IMMP2L: variants seen among roughly 807,000 people sequenced by gnomAD.
IMMP2L encodes the protein inner mitochondrial membrane peptidase subunit 2, also known as mitochondrial inner membrane protease subunit 2.
In IMMP2L, 18 loss-of-function variants were observed where a neutral mutation model predicts 19.3. The observed-to-expected ratio is 0.93, with a 90% CI of 0.64 to 1.38. The LOEUF is 1.38. Among genes scored for constraint, IMMP2L ranks in the 40% most tolerant of loss-of-function variants. The probability of loss-of-function intolerance (pLI) is 0.00; values close to 1 mark genes in which losing one functional copy is unlikely to be tolerated. For synonymous variants in IMMP2L, 76 were observed against 73.0 expected, an observed-to-expected ratio of 1.04 and a Z score of -0.21; for missense variants, 233 against 218.2, an observed-to-expected ratio of 1.07 and a Z score of -0.43.
intron 3 of IMMP2L, among the ~76,000 whole-genome samples, chr7:111,438,923 T>C (rs965866869): frequency 3.3e-5 from 5 of 151,912 alleles, no homozygotes; most frequent in African/African-American, 1.2e-4. Context: ...TTGTCTACTA[T>C]GTGCTGGACA....
chr7:110,970,724 T>C (rs1462914846), intron 3 of IMMP2L, among the ~76,000 whole-genome samples: 3 of 152,120 alleles, frequency 2.0e-5, no homozygotes, highest in Non-Finnish European at 4.4e-5. Flanking sequence ...CTCGGAAGCA[T>C]TCTTTCCCCT....
intron 5 of IMMP2L, among the ~76,000 whole-genome samples, chr7:110,871,896 T>C (rs1233384243): frequency 6.6e-6 from 1 of 152,150 alleles, no homozygotes; most frequent in African/African-American, 2.4e-5. Context: ...TTATTGCTCC[T>C]GATTGAGGAG....
chr7:110,720,751 C>T (rs998607311), intron 5 of IMMP2L, among the ~76,000 whole-genome samples: 2 of 152,058 alleles, frequency 1.3e-5, no homozygotes, highest in Non-Finnish European at 2.9e-5. Flanking sequence ...TTTCTGAAAT[C>T]GTTTAAGTGC....
intron 3 of IMMP2L, among the ~76,000 whole-genome samples, chr7:111,316,394 T>C (rs549520647): frequency 6.6e-6 from 1 of 152,264 alleles, no homozygotes; most frequent in African/African-American, 2.4e-5. Context: ...ATATATTTCA[T>C]TATGTTAAGA....
intron 3 of IMMP2L, among the ~76,000 whole-genome samples, chr7:111,234,856 C>T (rs1350131233): frequency 6.6e-6 from 1 of 152,052 alleles, no homozygotes; most frequent in Non-Finnish European, 1.5e-5. Context: ...TTCCCCCTCT[C>T]CCAGCCTTTG....
intron 3 of IMMP2L, among the ~76,000 whole-genome samples, chr7:111,054,689 T>C (rs1478955989): frequency 6.6e-6 from 1 of 152,206 alleles, no homozygotes; most frequent in Non-Finnish European, 1.5e-5. Context: ...AACATCAAAC[T>C]CTGCCAGCAC....
In IMMP2L at chr7:110,943,491, T is replaced by G. The variant is rs192432068; in HGVS notation, c.305+20009A>C. On this transcript the variant is annotated intron_variant, in intron 4 of 5. Transcript: ENST00000405709. ...TCATGCAGCGGCTTCTTTTGGCCAA[T>G]GACATGTATGTGGAAATAATACATG... Among the ~76,000 whole-genome samples the G allele has an allele frequency of 2.6e-5, 4 of 152,064 alleles. No individual in the cohort carries two copies. The Admixed American group carries it at 2.6e-4, about 10-fold the overall frequency.
At position 111,300,089 on chromosome 7, in the gene IMMP2L, G is replaced by T. The variant is rs540180905; in HGVS notation, c.239+187149C>A. Among the ~76,000 whole-genome samples the T allele has an allele frequency of 3.9e-5, 6 of 152,312 alleles. No homozygotes were observed. The East Asian group carries it at 1.2e-3, about 29-fold the overall frequency. ...GACATTCTCAGTTAAGAGGTTCTTA[G>T]TTGAGTAAGTGATACTGGTCCTCTG... On this transcript the variant is annotated intron_variant, in intron 3 of 5. Coordinates refer to ENST00000405709, the MANE Select transcript of IMMP2L (RefSeq NM_032549.4).
intron 5 of IMMP2L, among the ~76,000 whole-genome samples, chr7:110,855,314 G>T (rs957402365): frequency 6.6e-6 from 1 of 151,956 alleles, no homozygotes; most frequent in Non-Finnish European, 1.5e-5. Flanking sequence ...TTTTCTGTAT[G>T]ACTAAAATGT....
intron 5 of IMMP2L, among the ~76,000 whole-genome samples, chr7:110,828,018 G>A (rs1221706513): frequency 6.6e-6 from 1 of 152,130 alleles, no homozygotes; most frequent in Non-Finnish European, 1.5e-5. Flanking sequence ...CTAGAAACAA[G>A]TGTGCAAACT....
At chr7:111,419,155 G>A (rs907925758) in intron 3 of IMMP2L, among the ~76,000 whole-genome samples, 4 of 151,546 alleles carry the variant, frequency 2.6e-5, no homozygotes, top group Non-Finnish European at 4.4e-5. Context: ...TACAGCTGTA[G>A]AATAATGTTA....
At chr7:111,351,147 C>A (rs923477749) in intron 3 of IMMP2L, among the ~76,000 whole-genome samples, 3 of 152,110 alleles carry the variant, frequency 2.0e-5, no homozygotes, top group Non-Finnish European at 4.4e-5. Flanking sequence ...TCTATACCAA[C>A]CCATTAAATC....
chr7:111,270,793 T>C (rs1006333652), intron 3 of IMMP2L, among the ~76,000 whole-genome samples: 2 of 152,218 alleles, frequency 1.3e-5, no homozygotes, highest in East Asian at 1.9e-4. Flanking sequence ...TTCTTACTCA[T>C]AGAATTTTTT....
chr7:111,207,687 C>T (rs1031290755), intron 3 of IMMP2L, among the ~76,000 whole-genome samples: 9 of 151,650 alleles, frequency 5.9e-5, no homozygotes, highest in Admixed American at 3.9e-4. Context: ...AGGTGCGCGC[C>T]GCCATGTCCA....
At chr7:111,493,963 G>A (rs894477207) in intron 2 of IMMP2L, among the ~76,000 whole-genome samples, 3 of 151,626 alleles carry the variant, frequency 2.0e-5, no homozygotes, top group Admixed American at 6.6e-5. Context: ...CCACGCCACT[G>A]CACTCCAGCC....
chr7:110,933,912 G>C (rs192951865), intron 4 of IMMP2L, among the ~76,000 whole-genome samples: 2 of 152,264 alleles, frequency 1.3e-5, no homozygotes, highest in Admixed American at 6.5e-5. Flanking sequence ...TGCTTCTCTA[G>C]TTCTTTTAAT....
At chr7:111,450,439 A>T (rs1057169002) in intron 3 of IMMP2L, among the ~76,000 whole-genome samples, 1 of 152,082 alleles carries the variant, frequency 6.6e-6, no homozygotes, top group African/African-American at 2.4e-5. Flanking sequence ...GACAAACCTG[A>T]CAAAAACAAG....
intron 3 of IMMP2L, among the ~76,000 whole-genome samples, chr7:111,092,142 T>C (rs1035733279): frequency 6.6e-6 from 1 of 152,156 alleles, no homozygotes; most frequent in African/African-American, 2.4e-5. Context: ...TCTTACGGAC[T>C]GGGGTAAATG....
At chr7:111,523,719 T>C (rs562548004) in intron 1 of IMMP2L, among the ~76,000 whole-genome samples, 1 of 152,248 alleles carries the variant, frequency 6.6e-6, no homozygotes, top group South Asian at 2.1e-4. Flanking sequence ...TCATTCAAAC[T>C]CATCTAACAA....
Sources: allele counts gnomAD v4.1 joint callset (sites outside exome capture counted in the v4.1 genomes callset), GRCh38; gene constraint gnomAD v4.1.1; transcripts MANE v1.5; gene names NCBI Gene and HGNC (gene_info 2026-07-23, HGNC 2026-07-21).